The following UHRF1 variants were observed in gnomAD, a reference collection of about 807,000 sequenced individuals.
The protein encoded by UHRF1 is ubiquitin like with PHD and ring finger domains 1.
A neutral mutation model predicts 96.5 loss-of-function variants in UHRF1; 9 were observed. That is an observed-to-expected ratio of 0.09 (90% CI 0.06 to 0.16). UHRF1 has a LOEUF of 0.16. Among genes scored for constraint, UHRF1 ranks in the 10% least tolerant of loss-of-function variants. The pLI is 1.00. For synonymous variants in UHRF1, 455 were observed against 469.9 expected, an observed-to-expected ratio of 0.97 and a Z score of 0.41; for missense variants, 626 against 1,131.1, an observed-to-expected ratio of 0.55 and a Z score of 6.40.
chr19:4,915,646 G>C (rs964052995), intron 2 of UHRF1, among the ~76,000 whole-genome samples: 3 of 151,990 alleles, frequency 2.0e-5, no homozygotes, highest in Non-Finnish European at 2.9e-5. Context: ...GAGGTGGGAG[G>C]TTGCAGTGAG....
At chr19:4,939,218 ATTTTTTTTTTTT>A in intron 5 of UHRF1, among the ~76,000 whole-genome samples, 1 of 120,786 alleles carries the variant, frequency 8.3e-6, no homozygotes, top group African/African-American at 3.2e-5. Flanking sequence ...GCACCCGGCC[ATTTTTTTTTTTT>A]TTTTTTTTTT....
Position 4,919,580 on chromosome 19 carries a change from G to A in UHRF1, c.153+8542G>A, listed in dbSNP as rs1477259345. The stretch of plus-strand genomic sequence containing the variant: ...GCCTCCCAAAGTGCTGGGATTACAG[G>A]TGTGAGCCACCGCGCCTAGCCCATT... On this transcript the variant is annotated intron_variant, in intron 2 of 16. Coordinates refer to ENST00000650932, the MANE Select transcript of UHRF1 (RefSeq NM_001048201.3). Among the ~76,000 whole-genome samples, 4 of 152,026 alleles carry A rather than the reference G, an allele frequency of 2.6e-5. No homozygotes were observed. In the South Asian group the frequency reaches 6.2e-4, roughly 24 times the overall value.
chr19:4,950,482 G>A (rs1278406164), intron 11 of UHRF1, 129 bp from the exon 12 acceptor site: 19 of 972,480 alleles, frequency 2.0e-5, no homozygotes, highest in Middle Eastern at 3.5e-4. Flanking sequence ...GACTTCAGGC[G>A]ATCTGCCTAC....
Position 4,944,437 on chromosome 19 carries a change from G to A in UHRF1, c.1292G>A (p.Arg431Gln). Reference sequence around the variant, plus strand: ...GGGATCCCCGTGGGCACCATGTGGCGGTTCCGAGTCCAGGTACCTGCAGCG... The same window carrying A: ...GGGATCCCCGTGGGCACCATGTGGCAGTTCCGAGTCCAGGTACCTGCAGCG... The part of the protein sequence containing the change: ...IPGIPVGTMW[R>Q]FRVQVSESGV... Residue 431 changes from arginine (R) to glutamine (Q), a missense_variant, in exon 9 of 17, where the codon CGG becomes CAG. This residue lies in a region of UHRF1 where 5 missense variants were observed against 77.1 expected (regional missense o/e 0.06). Coordinates refer to ENST00000650932, the MANE Select transcript of UHRF1 (RefSeq NM_001048201.3). 3.1e-6 allele frequency: 5 copies of A among 1,613,964 alleles called. No individual in the cohort carries two copies. Among genetic ancestry groups the A allele is most frequent in the East Asian group, 2.2e-5 (1 of 44,884 alleles).
chr19:4,960,072 T>C (rs781430228), intron 16 of UHRF1, among the ~76,000 whole-genome samples: 3 of 152,080 alleles, frequency 2.0e-5, no homozygotes, highest in African/African-American at 7.2e-5. Context: ...AGGCTGGTCT[T>C]GAACTCCTGA....
intron 5 of UHRF1, among the ~76,000 whole-genome samples, chr19:4,933,700 A>C (rs1568419021): frequency 6.6e-6 from 1 of 152,110 alleles, no homozygotes; most frequent in Non-Finnish European, 1.5e-5. Flanking sequence ...ATAAACATAC[A>C]CGCCAAACCA....
intron 13 of UHRF1, among the ~76,000 whole-genome samples, chr19:4,952,675 C>T (rs1286802344): frequency 6.6e-6 from 1 of 151,998 alleles, no homozygotes; most frequent in Non-Finnish European, 1.5e-5. Context: ...AGCCGCTGAC[C>T]CTGGCCAGGA....
chr19:4,948,509 CAT>C (rs1226245586), intron 11 of UHRF1, among the ~76,000 whole-genome samples: 2 of 152,112 alleles, frequency 1.3e-5, no homozygotes, highest in Non-Finnish European at 2.9e-5. Flanking sequence ...ACAAGAAACT[CAT>C]AGAAGAGCTG....
chr19:4,917,483 A>G (rs1159032345), intron 2 of UHRF1, among the ~76,000 whole-genome samples: 1 of 151,376 alleles, frequency 6.6e-6, no homozygotes, highest in Non-Finnish European at 1.5e-5. Context: ...GTGAAACCCC[A>G]TCTTTACTAA....
At chr19:4,923,983 T>G (rs1439218299) in intron 2 of UHRF1, among the ~76,000 whole-genome samples, 1 of 151,662 alleles carries the variant, frequency 6.6e-6, no homozygotes, top group African/African-American at 2.4e-5. Flanking sequence ...TTCTCTCTTT[T>G]TAAGACGGAG....
At chr19:4,920,148 G>A (rs1238167163) in intron 2 of UHRF1, among the ~76,000 whole-genome samples, 15 of 152,194 alleles carry the variant, frequency 9.9e-5, no homozygotes, top group Non-Finnish European at 1.9e-4. Context: ...AGAATAAAAA[G>A]AGGCTGGGCG....
At chr19:4,912,532 G>C (rs1184138798) in intron 2 of UHRF1, among the ~76,000 whole-genome samples, 2 of 152,114 alleles carry the variant, frequency 1.3e-5, no homozygotes, top group Non-Finnish European at 2.9e-5. Flanking sequence ...AACCATGCAG[G>C]AATGGGAAAA....
At chr19:4,923,619 C>T (rs1401660587) in intron 2 of UHRF1, among the ~76,000 whole-genome samples, 2 of 152,198 alleles carry the variant, frequency 1.3e-5, no homozygotes, top group East Asian at 1.9e-4. Context: ...AGCAGCTGCC[C>T]CTCTGCGCAC....
chr19:4,937,606 C>T (rs968985870), intron 5 of UHRF1, among the ~76,000 whole-genome samples: 1 of 152,160 alleles, frequency 6.6e-6, no homozygotes. Context: ...TCAGGTGATC[C>T]GCCCGCCTTG....
At chr19:4,951,689 C>G (rs532526434) in intron 13 of UHRF1, among the ~76,000 whole-genome samples, 23 of 142,232 alleles carry the variant, frequency 1.6e-4, no homozygotes, top group African/African-American at 5.3e-4. Flanking sequence ...CACTTCTTGG[C>G]TCATCACAAA....
At position 4,930,176 on chromosome 19, in the gene UHRF1, T is replaced by C. The variant is rs1401220047; in HGVS notation, c.409-540T>C. ...TTTTTGTAGAGACGGGATTTCGCCA[T>C]GTTGGCCAGGCTAGTCTTGAACTCC... On this transcript the variant is annotated intron_variant, in intron 3 of 16. Coordinates refer to ENST00000650932, the MANE Select transcript of UHRF1 (RefSeq NM_001048201.3). The surrounding 1 kb of genome is among the most constrained non-coding windows in gnomAD (Gnocchi z 4.4). Among the ~76,000 whole-genome samples, 1 of 152,158 alleles carries C rather than the reference T, an allele frequency of 6.6e-6. No homozygotes were observed. Among genetic ancestry groups the C allele is most frequent in the African/African-American group, 2.4e-5 (1 of 41,434 alleles).
upstream of UHRF1, among the ~76,000 whole-genome samples, chr19:4,907,144 C>G (rs74321107): frequency 6.6e-6 from 1 of 152,224 alleles, no homozygotes; most frequent in African/African-American, 2.4e-5. Flanking sequence ...GAGCCTTGCT[C>G]TGTCACCCAG....
intron 2 of UHRF1, among the ~76,000 whole-genome samples, chr19:4,915,977 C>T (rs2032483067): frequency 6.6e-6 from 1 of 152,060 alleles, no homozygotes. Flanking sequence ...GCCCCAGGAG[C>T]CTGTGTCTGT....
chr19:4,950,007 A>G lies in UHRF1; in HGVS notation c.1518-604A>G, dbSNP rs114652683. On this transcript the variant is annotated intron_variant, in intron 11 of 16. Coordinates refer to ENST00000650932, the MANE Select transcript of UHRF1 (RefSeq NM_001048201.3). ...CACCTCAGCCTCCAGAGTAGCTGGG[A>G]CTATAGGTGCATGTTACCACGCCTG... Among the ~76,000 whole-genome samples the G allele has an allele frequency of 5.2e-3, 772 of 148,936 alleles. 7 individuals carry two copies. Among genetic ancestry groups the G allele is most frequent in the African/African-American group, 0.018 (734 of 40,652 alleles).
Sources: gnomAD v4.1 joint callset for allele counts (sites outside exome capture counted in the v4.1 genomes callset) on GRCh38, gnomAD v4.1.1 for gene constraint, gnomAD v4.1.1 regional missense constraint, Gnocchi (gnomAD v3.1) non-coding constraint, MANE v1.5 for transcripts, NCBI Gene and HGNC (gene_info 2026-07-23, HGNC 2026-07-21) for gene names.